TBC1D4: variants seen among roughly 807,000 people sequenced by gnomAD.
TBC1D4 encodes the protein TBC (Tre-2, BUB2, CDC16) domain-containing protein.
A neutral mutation model predicts 142.5 loss-of-function variants in TBC1D4; 121 were observed. The observed-to-expected ratio is 0.85, with a 90% CI of 0.73 to 0.99. The LOEUF (loss-of-function observed/expected upper bound fraction) is 0.99. Ranked by LOEUF, TBC1D4 falls within the 50% of genes least tolerant of loss-of-function variation. The pLI is 0.00. For missense variants in TBC1D4, 1,475 were observed against 1,606.6 expected (o/e 0.92, Z 1.40); for synonymous variants, 630 against 628.2 (o/e 1.00, Z -0.04).
At position 75,300,985 on chromosome 13, in the gene TBC1D4, G is replaced by C. The variant is rs74945794; in HGVS notation, c.2911+1258C>G. Among the ~76,000 whole-genome samples, 774 of 152,064 alleles carry C rather than the reference G, an allele frequency of 5.1e-3. 50 individuals carry two copies. In the East Asian group the frequency reaches 0.12, roughly 24 times the overall value. On this transcript the variant is annotated intron_variant, in intron 16 of 20. Transcript: ENST00000377636. The stretch of plus-strand genomic sequence containing the variant: ...TAAAATCCCCTTTTTAATTCCGCTG[G>C]GCTCAAAAAAATAATTAACTGAGCT...
At chr13:75,360,129 T>C (rs1176564472) in intron 2 of TBC1D4, among the ~76,000 whole-genome samples, 1 of 152,152 alleles carries the variant, frequency 6.6e-6, no homozygotes, top group Non-Finnish European at 1.5e-5. Context: ...TAGAAACAAC[T>C]GTCTTTTTAA....
chr13:75,329,459 G>C (rs1186942739), intron 8 of TBC1D4, among the ~76,000 whole-genome samples: 1 of 139,656 alleles, frequency 7.2e-6, no homozygotes, highest in African/African-American at 2.7e-5. Context: ...TCCCCCGCTT[G>C]TTTTTTTAAG....
intron 2 of TBC1D4, among the ~76,000 whole-genome samples, chr13:75,361,315 G>A (rs765985652): frequency 3.9e-5 from 6 of 152,096 alleles, no homozygotes; most frequent in Non-Finnish European, 8.8e-5. Context: ...TAGAAAAAAA[G>A]TCCCTTGTTT....
intron 1 of TBC1D4, among the ~76,000 whole-genome samples, chr13:75,386,232 T>C (rs1235195486): frequency 6.6e-6 from 1 of 152,164 alleles, no homozygotes. Context: ...CCAAAAACCA[T>C]GACTATCATT....
chr13:75,448,670 G>A (rs917761541), intron 1 of TBC1D4, among the ~76,000 whole-genome samples: 5 of 151,616 alleles, frequency 3.3e-5, no homozygotes, highest in South Asian at 2.1e-4. Context: ...TATTTTATAC[G>A]GTGTTTTTAA....
chr13:75,437,909 C>T (rs977224815), intron 1 of TBC1D4, among the ~76,000 whole-genome samples: 24 of 152,118 alleles, frequency 1.6e-4, no homozygotes, highest in Admixed American at 1.6e-3. Flanking sequence ...CAGAGTTTTG[C>T]CTGATATTAC....
rs921535464 is a variant in TBC1D4 at position 75,324,268 on chromosome 13, T to C, written c.2167A>G (p.Arg723Gly). ...FLKSFYQNSG[R>G]LSPQYENEIR... is the part of the protein sequence containing the mutation. ...TCATTTTCATACTGTGGGGACAGTC[T>C]ACCTGAATTCTGGTAAAAGCTTTTC... The change falls in exon 11 of 21, where the codon AGA becomes GGA. Residue 723 changes from arginine to glycine, a missense_variant. Around this residue, in one of 2 missense-constraint regions of TBC1D4, gnomAD observed 1,227 missense variants for 1,267.7 expected, o/e 0.97. Coordinates refer to ENST00000377636, the MANE Select transcript of TBC1D4 (RefSeq NM_014832.5). The C allele has an allele frequency of 1.9e-6, 3 of 1,613,842 alleles. No homozygotes were observed. The highest frequency in any genetic ancestry group is 2.2e-5 in the East Asian group (1 of 44,882).
chr13:75,394,272 C>A (rs1884659114), intron 1 of TBC1D4, among the ~76,000 whole-genome samples: 1 of 152,102 alleles, frequency 6.6e-6, no homozygotes, highest in South Asian at 2.1e-4. Flanking sequence ...CATCTCAGAC[C>A]CATTAATTTT....
intron 1 of TBC1D4, among the ~76,000 whole-genome samples, chr13:75,416,100 A>G (rs979684558): frequency 3.9e-5 from 6 of 152,340 alleles, no homozygotes; most frequent in African/African-American, 1.2e-4. Flanking sequence ...CTGGAAATCA[A>G]AATAGCTATT....
chr13:75,421,292 C>A, intron 1 of TBC1D4, among the ~76,000 whole-genome samples: 1 of 152,130 alleles, frequency 6.6e-6, no homozygotes, highest in East Asian at 1.9e-4. Context: ...CTTGGAGGCA[C>A]CACTGAACTT....
chr13:75,321,230 T>C (rs896339886), intron 11 of TBC1D4, among the ~76,000 whole-genome samples: 3 of 152,114 alleles, frequency 2.0e-5, no homozygotes, highest in African/African-American at 7.2e-5. Flanking sequence ...CCAGATATCA[T>C]AGTAATTATG....
At position 75,401,388 on chromosome 13, in the gene TBC1D4, AT is replaced by A. The variant is rs1335818206; in HGVS notation, c.499-38782del. ...AGTAAGAACTGTTTTTGCATCAGAT[AT>A]GTCAGTCAAGGTCCACCCACATAAC... is the stretch of plus-strand genomic sequence containing the variant. On this transcript the variant is annotated intron_variant, in intron 1 of 20. Transcript: ENST00000377636. Among the ~76,000 whole-genome samples, 61 of 152,204 alleles carry A rather than the reference AT, an allele frequency of 4.0e-4. 1 individual carries two copies. The highest frequency in any genetic ancestry group is 7.3e-5 in the Non-Finnish European group (5 of 68,032).
At chr13:75,301,656 A>G (rs183158882) in intron 16 of TBC1D4, among the ~76,000 whole-genome samples, 1 of 152,094 alleles carries the variant, frequency 6.6e-6, no homozygotes, top group East Asian at 1.9e-4. Context: ...AAAAAAAAAA[A>G]AAGACTGCTT....
chr13:75,341,693 A>T, intron 5 of TBC1D4, 106 bp from the exon 6 acceptor site: 1 of 871,204 alleles, frequency 1.1e-6, no homozygotes. Context: ...TCTGAACTTA[A>T]ATCTTCTCAA....
At chr13:75,453,620 G>C (rs960513524) in intron 1 of TBC1D4, among the ~76,000 whole-genome samples, 2 of 152,206 alleles carry the variant, frequency 1.3e-5, no homozygotes, top group Non-Finnish European at 2.9e-5. Context: ...CCAGCACTTT[G>C]GGATGCCAAG....
intron 1 of TBC1D4, among the ~76,000 whole-genome samples, chr13:75,453,936 C>T (rs9593079): frequency 0.47 from 70,726 of 151,692 alleles, 16,978 homozygotes; most frequent in East Asian, 0.62. Context: ...CCTGGCATTG[C>T]CAATAATAAA....
chr13:75,333,399 A>T (rs1199604788), intron 8 of TBC1D4, among the ~76,000 whole-genome samples: 1 of 152,208 alleles, frequency 6.6e-6, no homozygotes. Flanking sequence ...AGAAAAAATA[A>T]ATTTAAAAAA....
intron 1 of TBC1D4, among the ~76,000 whole-genome samples, chr13:75,389,289 C>T (rs1884343904): frequency 6.6e-6 from 1 of 152,192 alleles, no homozygotes; most frequent in South Asian, 2.1e-4. Flanking sequence ...TATTAATGAG[C>T]TAACCTGTAG....
rs147432891 is a variant in TBC1D4, at chr13:75,397,631, TTTTTG to T, written c.499-35029_499-35025del. 7.2e-3 allele frequency among the ~76,000 whole-genome samples: 1,092 copies of T among 152,316 alleles called. 7 individuals carry two copies. Among genetic ancestry groups the T allele is most frequent in the Admixed American group, 0.018 (275 of 15,302 alleles). ...TGTGTTTGTTTTGATTTGCTTTGCT[TTTTTG>T]TTTTGTTTTGTTTTGTTTTTCATTT... is the stretch of plus-strand genomic sequence containing the variant. On this transcript the variant is annotated intron_variant, in intron 1 of 20. Coordinates refer to ENST00000377636, the MANE Select transcript of TBC1D4 (RefSeq NM_014832.5).
Sources: allele counts gnomAD v4.1 joint callset (sites outside exome capture counted in the v4.1 genomes callset), GRCh38; gene constraint gnomAD v4.1.1; regional missense constraint gnomAD v4.1.1; transcripts MANE v1.5; gene names NCBI Gene and HGNC (gene_info 2026-07-23, HGNC 2026-07-21).